Variants in FHIT observed in about 807,000 individuals in gnomAD.
FHIT encodes fragile histidine triad diadenosine triphosphatase.
In FHIT, 19 loss-of-function variants were observed where a neutral mutation model predicts 17.9. The observed-to-expected ratio is 1.06, with a 90% CI of 0.74 to 1.56. The LOEUF is 1.56. Among genes scored for constraint, FHIT ranks in the 40% most tolerant of loss-of-function variants. The probability of loss-of-function intolerance (pLI) is 0.00; values close to 1 mark genes in which losing one functional copy is unlikely to be tolerated. For missense variants in FHIT, 248 were observed against 189.2 expected, an observed-to-expected ratio of 1.31 and a Z score of -1.82; for synonymous variants, 81 against 69.7, an observed-to-expected ratio of 1.16 and a Z score of -0.81.
intron 4 of FHIT, among the ~76,000 whole-genome samples, chr3:60,712,183 C>T (rs1303229277): frequency 6.6e-6 from 1 of 152,102 alleles, no homozygotes; most frequent in African/African-American, 2.4e-5. Context: ...AACTAAGCTT[C>T]ATAAGTGAAG....
At chr3:60,283,230 T>C (rs1168193433) in intron 5 of FHIT, among the ~76,000 whole-genome samples, 2 of 151,666 alleles carry the variant, frequency 1.3e-5, no homozygotes, top group East Asian at 3.9e-4. Flanking sequence ...CAGGGATATA[T>C]ACACACACAC....
At chr3:60,734,549 G>T (rs1254452560) in intron 4 of FHIT, among the ~76,000 whole-genome samples, 1 of 152,158 alleles carries the variant, frequency 6.6e-6, no homozygotes, top group African/African-American at 2.4e-5. Context: ...CCACAGGCAT[G>T]GCACCACCGG....
At chr3:59,778,162 T>TAAGTA in intron 8 of FHIT, among the ~76,000 whole-genome samples, 1 of 152,310 alleles carries the variant, frequency 6.6e-6, no homozygotes, top group Non-Finnish European at 1.5e-5. Context: ...CAGGGATCAA[T>TAAGTA]AAGTATCTAC....
intron 5 of FHIT, among the ~76,000 whole-genome samples, chr3:60,372,945 G>A (rs1700393985): frequency 6.6e-6 from 1 of 152,170 alleles, no homozygotes; most frequent in African/African-American, 2.4e-5. Flanking sequence ...CACTGGTGGT[G>A]TGTTCATAAT....
At chr3:60,927,198 G>A (rs571778956) in intron 3 of FHIT, among the ~76,000 whole-genome samples, 4 of 152,220 alleles carry the variant, frequency 2.6e-5, no homozygotes, top group South Asian at 2.1e-4. Flanking sequence ...ACGGGGTTTC[G>A]CCGTGTTGGC....
chr3:60,943,292 T>C lies in FHIT; in HGVS notation c.-111+98755A>G, dbSNP rs1708497236. ...ACTTTCTATATTTTTAAAAGGATGC[T>C]ACTAGGTAATGTAGGCTCAGGATTA... On this transcript the variant is annotated intron_variant, in intron 3 of 9. Coordinates refer to ENST00000492590, the MANE Select transcript of FHIT (RefSeq NM_002012.4). Among the ~76,000 whole-genome samples the C allele has an allele frequency of 2.6e-5, 4 of 152,264 alleles. No homozygotes were observed. In the South Asian group the frequency reaches 8.3e-4, roughly 32 times the overall value.
chr3:60,645,730 T>C (rs2039840405), intron 4 of FHIT, among the ~76,000 whole-genome samples: 1 of 152,128 alleles, frequency 6.6e-6, no homozygotes, highest in Admixed American at 6.6e-5. Context: ...GTCGTACACA[T>C]ATATATGTGT....
intron 8 of FHIT, among the ~76,000 whole-genome samples, chr3:59,861,882 A>G (rs1265209825): frequency 6.6e-6 from 1 of 152,206 alleles, no homozygotes; most frequent in Non-Finnish European, 1.5e-5. Flanking sequence ...AAAATAGTCA[A>G]ATATATTTTC....
intron 2 of FHIT, among the ~76,000 whole-genome samples, chr3:61,101,430 G>C (rs2035823739): frequency 6.6e-6 from 1 of 152,072 alleles, no homozygotes; most frequent in Non-Finnish European, 1.5e-5. Flanking sequence ...TCTCTGTTTT[G>C]GTGCCAGTAC....
chr3:59,804,424 T>C (rs781708800), intron 8 of FHIT, among the ~76,000 whole-genome samples: 1 of 152,190 alleles, frequency 6.6e-6, no homozygotes, highest in Non-Finnish European at 1.5e-5. Flanking sequence ...GTTCTTGGCA[T>C]CTTGAAGAAC....
At chr3:60,729,387 C>A (rs1290398068) in intron 4 of FHIT, among the ~76,000 whole-genome samples, 2 of 152,148 alleles carry the variant, frequency 1.3e-5, no homozygotes, top group African/African-American at 4.8e-5. Context: ...TGGTTGTATG[C>A]GGCTTGTGTC....
intron 5 of FHIT, among the ~76,000 whole-genome samples, chr3:60,328,370 C>A (rs1216928631): frequency 6.6e-6 from 1 of 152,202 alleles, no homozygotes; most frequent in Non-Finnish European, 1.5e-5. Context: ...GTTTAATGGA[C>A]TCACACTTCC....
intron 4 of FHIT, among the ~76,000 whole-genome samples, chr3:60,626,925 T>C (rs1336132212): frequency 1.3e-5 from 2 of 152,074 alleles, no homozygotes; most frequent in Admixed American, 6.5e-5. Context: ...GTTTTTCAAA[T>C]ATTTTTTCTA....
intron 5 of FHIT, among the ~76,000 whole-genome samples, chr3:60,360,394 T>C (rs1699856313): frequency 6.6e-6 from 1 of 152,104 alleles, no homozygotes; most frequent in African/African-American, 2.4e-5. Context: ...GAGAAGGCAC[T>C]GGGGCCAATA....
chr3:60,747,165 G>A (rs11710387), intron 4 of FHIT, among the ~76,000 whole-genome samples: 1 of 150,528 alleles, frequency 6.6e-6, no homozygotes, highest in African/African-American at 2.4e-5. Flanking sequence ...CTCTGTGTAT[G>A]TGAGTATTCT....
chr3:60,718,126 A>G (rs1488744386), intron 4 of FHIT, among the ~76,000 whole-genome samples: 2 of 152,218 alleles, frequency 1.3e-5, no homozygotes, highest in African/African-American at 4.8e-5. Flanking sequence ...ATGGTTTTAT[A>G]TGAATGCTTA....
rs538427537 is a variant in FHIT, at chr3:60,338,657, T to C, written c.103+198203A>G. ...GTTACTAGACCACTTAGATGTTGCC[T>C]GAGAAAGATAGAGCACATGTGGTTT... On this transcript the variant is annotated intron_variant, in intron 5 of 9. Transcript: ENST00000492590. Among the ~76,000 whole-genome samples, 4 of 152,308 alleles carry C rather than the reference T, an allele frequency of 2.6e-5. No individual in the cohort carries two copies. In the East Asian group the frequency reaches 5.8e-4, roughly 22 times the overall value.
At chr3:60,271,691 A>G (rs1706872926) in intron 5 of FHIT, among the ~76,000 whole-genome samples, 1 of 152,200 alleles carries the variant, frequency 6.6e-6, no homozygotes, top group Non-Finnish European at 1.5e-5. Context: ...CATCACTGTC[A>G]TAAAAAAGTC....
intron 8 of FHIT, among the ~76,000 whole-genome samples, chr3:59,755,942 A>G (rs1054367590): frequency 6.6e-6 from 1 of 152,194 alleles, no homozygotes; most frequent in Non-Finnish European, 1.5e-5. Flanking sequence ...GAGAAGAACA[A>G]AAGTTCCTTT....
Sources: gnomAD v4.1 joint callset for allele counts (sites outside exome capture counted in the v4.1 genomes callset) on GRCh38, gnomAD v4.1.1 for gene constraint, MANE v1.5 for transcripts, NCBI Gene and HGNC (gene_info 2026-07-23, HGNC 2026-07-21) for gene names.